The following ACSS3 variants were observed in gnomAD, a reference collection of about 807,000 sequenced individuals.
ACSS3 encodes acyl-CoA synthetase short chain family member 3.
Under a neutral mutation model 84.2 loss-of-function variants are expected in ACSS3, and 64 were observed. The ratio of observed to expected loss-of-function variants is 0.76; its 90% CI spans 0.62 to 0.94. ACSS3 has a LOEUF of 0.94. Among genes scored for constraint, ACSS3 ranks in the 40% least tolerant of loss-of-function variants. ACSS3 has a pLI of 0.00. For missense variants in ACSS3, 815 were observed against 867.6 expected (o/e 0.94, Z 0.76); for synonymous variants, 317 against 310.1 (o/e 1.02, Z -0.23).
intron 1 of ACSS3, among the ~76,000 whole-genome samples, chr12:81,082,200 G>A (rs1174530239): frequency 5.3e-5 from 8 of 152,098 alleles, no homozygotes; most frequent in Non-Finnish European, 1.0e-4. Flanking sequence ...GTAGGTTTTC[G>A]ACCCTGGCCT....
intron 8 of ACSS3, 82 bp from the exon 9 acceptor site, chr12:81,199,259 T>A: frequency 8.1e-7 from 1 of 1,230,350 alleles, no homozygotes; most frequent in African/African-American, 1.5e-5. Context: ...ATGAGTGTGG[T>A]TAACCAATGT....
chr12:81,246,215 G>A (rs192545152), intron 13 of ACSS3, among the ~76,000 whole-genome samples: 1 of 152,156 alleles, frequency 6.6e-6, no homozygotes, highest in Non-Finnish European at 1.5e-5. Flanking sequence ...GAGAAGGGAA[G>A]GGGCACACCT....
rs559850483 is a variant in ACSS3 at position 81,198,068 on chromosome 12, C to T, written c.1251-1273C>T. 5.9e-5 allele frequency among the ~76,000 whole-genome samples: 9 copies of T among 152,282 alleles called. No homozygotes were observed. The East Asian group carries it at 1.7e-3, about 29-fold the overall frequency. ...TTAGTAATTCCAGAATTTTGCCCTC[C>T]TCAGGGCACTGTTCTTTTTTTCTCA... On this transcript the variant is annotated intron_variant, in intron 8 of 15. Transcript: ENST00000548058.
chr12:81,085,049 C>T (rs1881224460), intron 1 of ACSS3, among the ~76,000 whole-genome samples: 1 of 152,104 alleles, frequency 6.6e-6, no homozygotes, highest in Non-Finnish European at 1.5e-5. Flanking sequence ...ATTTCCTCTC[C>T]TCCCTTTAAG....
chr12:81,249,852 G>T (rs1223073320), intron 13 of ACSS3, among the ~76,000 whole-genome samples: 2 of 152,030 alleles, frequency 1.3e-5, no homozygotes, highest in African/African-American at 2.4e-5. Flanking sequence ...GATTTGAACT[G>T]ATTTTTTAAA....
Position 81,216,946 on chromosome 12 carries a change from C to G in ACSS3, c.1400C>G (p.Ser467Cys), listed in dbSNP as rs764415759. The G allele has an allele frequency of 1.9e-6, 3 of 1,611,500 alleles. No individual in the cohort carries two copies. In the East Asian group the frequency reaches 6.7e-5, roughly 36 times the overall value. The change falls in exon 10 of 16, where the codon TCT (serine) becomes TGT (cysteine). Residue 467 changes from serine to cysteine, a missense_variant. Ser to Cys is a moderately radical substitution (Grantham distance 112). Coordinates refer to ENST00000548058, the MANE Select transcript of ACSS3 (RefSeq NM_024560.4). ...GCGTCATGTGTTGGATTAGGCAATT[C>G]TAAAACACCTCCACCAGGGCAAGCA... is the stretch of plus-strand genomic sequence containing the variant. ...ITASCVGLGN[S>C]KTPPPGQAGK...
intron 1 of ACSS3, among the ~76,000 whole-genome samples, chr12:81,096,340 TTTG>T (rs1882043156): frequency 6.6e-6 from 1 of 152,188 alleles, no homozygotes; most frequent in Non-Finnish European, 1.5e-5. Context: ...TCATTGAGCA[TTTG>T]TTGTGTGCCA....
chr12:81,090,377 A>G (rs1274416044), intron 1 of ACSS3, among the ~76,000 whole-genome samples: 1 of 151,984 alleles, frequency 6.6e-6, no homozygotes, highest in Non-Finnish European at 1.5e-5. Flanking sequence ...TACTTCTACC[A>G]ATAATTTGAC....
At chr12:81,145,264 T>C (rs1267727708) in intron 5 of ACSS3, among the ~76,000 whole-genome samples, 1 of 152,010 alleles carries the variant, frequency 6.6e-6, no homozygotes, top group Non-Finnish European at 1.5e-5. Flanking sequence ...AATGCCTAAA[T>C]GGAAGATCCT....
chr12:81,217,294 T>G (rs567971783), intron 10 of ACSS3, among the ~76,000 whole-genome samples: 1 of 152,162 alleles, frequency 6.6e-6, no homozygotes, highest in African/African-American at 2.4e-5. Context: ...ACTTTATATA[T>G]GTCTTTTCAT....
intron 15 of ACSS3, among the ~76,000 whole-genome samples, chr12:81,254,305 G>C (rs746373425): frequency 6.6e-6 from 1 of 152,014 alleles, no homozygotes; most frequent in Non-Finnish European, 1.5e-5. Context: ...TGAATTAAAA[G>C]GTACATTTTC....
chr12:81,125,789 T>G (rs1885050273), intron 2 of ACSS3: 1 of 152,198 alleles, frequency 6.6e-6, no homozygotes, highest in South Asian at 2.1e-4. Flanking sequence ...ACATGGTTGT[T>G]CCACTAGCGT....
intron 1 of ACSS3, among the ~76,000 whole-genome samples, chr12:81,091,781 C>CTGTGTA (rs1881683973): frequency 6.6e-6 from 1 of 151,996 alleles, no homozygotes; most frequent in Non-Finnish European, 1.5e-5. Context: ...GTGTGCATAC[C>CTGTGTA]TGTGTATGTG....
At chr12:81,218,984 T>C (rs955978144) in intron 10 of ACSS3, among the ~76,000 whole-genome samples, 2 of 152,154 alleles carry the variant, frequency 1.3e-5, no homozygotes, top group Non-Finnish European at 2.9e-5. Context: ...AAAATCCTTT[T>C]TGTCTAAAAA....
At chr12:81,233,517 A>G (rs779378880) in intron 13 of ACSS3, 46 bp downstream of exon 13, 2 of 1,601,870 alleles carry the variant, frequency 1.2e-6, no homozygotes, top group South Asian at 2.2e-5. Context: ...GCTTAGGCAC[A>G]GAGCTGCACT....
intron 7 of ACSS3, among the ~76,000 whole-genome samples, chr12:81,163,696 C>T (rs369804464): frequency 1.3e-5 from 2 of 152,000 alleles, no homozygotes; most frequent in Non-Finnish European, 2.9e-5. Context: ...ACAGTGATAC[C>T]GACAATCCTG....
intron 2 of ACSS3, among the ~76,000 whole-genome samples, chr12:81,125,272 T>C (rs1242519938): frequency 2.0e-5 from 3 of 152,056 alleles, no homozygotes; most frequent in Non-Finnish European, 4.4e-5. Flanking sequence ...TACTAGCTAG[T>C]TTCTTATCTA....
rs754483699 is a variant in ACSS3, at chr12:81,174,891, G to A, written c.1202G>A (p.Arg401His). 2.5e-5 allele frequency: 41 copies of A among 1,613,802 alleles called. No individual in the cohort carries two copies. Among genetic ancestry groups the A allele is most frequent in the Admixed American group, 2.0e-4 (12 of 59,988 alleles). ...GCACCAACTGCAATTAGAGCAATCC[G>A]TCAACAGGACCCTGGGGCAGCTTTG... is the stretch of plus-strand genomic sequence containing the variant. ...FTAPTAIRAI[R>H]QQDPGAALGK... Residue 401 changes from arginine to histidine, a missense_variant, in exon 8 of 16, where the codon CGT becomes CAT. Coordinates refer to ENST00000548058, the MANE Select transcript of ACSS3 (RefSeq NM_024560.4).
intron 1 of ACSS3, among the ~76,000 whole-genome samples, chr12:81,093,004 T>C (rs1384840367): frequency 1.7e-5 from 2 of 114,360 alleles, no homozygotes; most frequent in Non-Finnish European, 3.4e-5. Flanking sequence ...TTTGTGTCTG[T>C]GTGTTTAAGG....
Sources: allele counts gnomAD v4.1 joint callset (sites outside exome capture counted in the v4.1 genomes callset), GRCh38; gene constraint gnomAD v4.1.1; transcripts MANE v1.5; gene names NCBI Gene and HGNC (gene_info 2026-07-23, HGNC 2026-07-21).